ABCB4: variants seen among roughly 807,000 people sequenced by gnomAD.
ABCB4 encodes ATP binding cassette subfamily B member 4.
In ABCB4, 76 loss-of-function variants were observed where a neutral mutation model predicts 145.7. The ratio of observed to expected loss-of-function variants is 0.52; its 90% CI spans 0.43 to 0.63. The LOEUF (loss-of-function observed/expected upper bound fraction) is 0.63, where lower values mean the gene tolerates loss of function less well. Ranked by LOEUF, ABCB4 falls within the 30% of genes least tolerant of loss-of-function variation. The probability of loss-of-function intolerance (pLI) is 0.00; values close to 1 mark genes in which losing one functional copy is unlikely to be tolerated. For synonymous variants in ABCB4, 517 were observed against 566.8 expected, an observed-to-expected ratio of 0.91 and a Z score of 1.25; for missense variants, 1,234 against 1,553.1, an observed-to-expected ratio of 0.79 and a Z score of 3.45.
At chr7:87,449,039 A>G (rs1811530974) in intron 8 of ABCB4, among the ~76,000 whole-genome samples, 1 of 152,236 alleles carries the variant, frequency 6.6e-6, no homozygotes, top group African/African-American at 2.4e-5. Context: ...GTGTATTCTT[A>G]TCCCCAAACT....
At chr7:87,426,944 AGTGTGTGTGTGTGT>A (rs10647775) in intron 15 of ABCB4, 24 bp from the exon 16 acceptor site, 5 of 1,033,082 alleles carry the variant, frequency 4.8e-6, no homozygotes, top group Admixed American at 1.9e-5. Flanking sequence ...AAGACATTAA[AGTGTGTGTGTGTGT>A]GTGTGTGTGT....
At chr7:87,475,687 G>C, upstream of ABCB4, 1 of 586,306 alleles carries the variant, frequency 1.7e-6, no homozygotes, top group South Asian at 1.9e-5. Context: ...CGCTGCAGCA[G>C]AGGGGCCTGG....
At chr7:87,464,138 C>A (rs1327098801) in intron 3 of ABCB4, among the ~76,000 whole-genome samples, 1 of 152,166 alleles carries the variant, frequency 6.6e-6, no homozygotes, top group South Asian at 2.1e-4. Flanking sequence ...CACAGTGGAG[C>A]CTTTGAGGGC....
intron 15 of ABCB4, among the ~76,000 whole-genome samples, chr7:87,429,908 T>C (rs1256648248): frequency 2.0e-5 from 3 of 146,994 alleles, no homozygotes; most frequent in African/African-American, 5.4e-5. Context: ...CAGGTCTTTT[T>C]TTTTTTAAAA....
chr7:87,369,244 T>C, the ABCB4 span: 2 of 536,616 alleles, frequency 3.7e-6, no homozygotes, highest in Non-Finnish European at 6.7e-6. Flanking sequence ...ATTTTTGTTA[T>C]GTGATATATT....
intron 3 of ABCB4, 114 bp downstream of exon 3, chr7:87,472,507 A>T: frequency 1.1e-6 from 1 of 936,584 alleles, no homozygotes; most frequent in Non-Finnish European, 1.7e-6. Context: ...TACAAGTATG[A>T]GTCAGCTCGC....
At chr7:87,413,905 G>T (rs994508759) in intron 21 of ABCB4, among the ~76,000 whole-genome samples, 188 bp from the exon 22 acceptor site, 1 of 152,230 alleles carries the variant, frequency 6.6e-6, no homozygotes, top group Non-Finnish European at 1.5e-5. Context: ...ACTTCTGGCT[G>T]TGCTAAGTAT....
chr7:87,420,074 C>G lies in ABCB4; in HGVS notation c.2318G>C (p.Gly773Ala). ...IISFFTFFLQ[G>A]FTFGKAGEIL... ...CTCGCCAGCTTTCCCAAACGTGAAA[C>G]CCTGGTTGAGAAAAAAGGCTATGGT... The change falls in exon 19 of 28, where the codon GGT becomes GCT. Residue 773 changes from glycine (G) to alanine (A), a missense_variant and splice_region_variant. Physicochemically the swap from Gly to Ala is moderately conservative, Grantham distance 60 (BLOSUM62 0). Transcript: ENST00000649586. The G allele has an allele frequency of 6.2e-7, 1 of 1,613,852 alleles. No individual in the cohort carries two copies. The highest frequency in any genetic ancestry group is 8.5e-7 in the Non-Finnish European group (1 of 1,179,874).
chr7:87,475,616 C>T lies in ABCB4; in HGVS notation c.-7+18G>A. On this transcript the variant is annotated intron_variant, in intron 1 of 27. Coordinates refer to ENST00000649586, the MANE Select transcript of ABCB4 (RefSeq NM_000443.4). ...CCGGGTCTCCCTTCGAGGCCAGACG[C>T]GCCCGGACCTCTCTCACCTCGAACC... The T allele has an allele frequency of 2.6e-6, 2 of 764,816 alleles. No homozygotes were observed. The highest frequency in any genetic ancestry group is 2.2e-6 in the Non-Finnish European group (1 of 449,900). The allele number at this position is 764,816 out of a possible 1,614,324, so 47.4% of individuals were successfully genotyped here. A position where few individuals can be genotyped will look rare whatever the true frequency, so the allele number is the denominator to read the frequency against.
the ABCB4 span, among the ~76,000 whole-genome samples, chr7:87,385,707 A>G: frequency 1.3e-5 from 2 of 152,152 alleles, no homozygotes; most frequent in African/African-American, 4.8e-5. Flanking sequence ...AGGACTTCCA[A>G]TACTATGTTG....
chr7:87,391,478 T>C, the ABCB4 span: 1 of 1,017,498 alleles, frequency 9.8e-7, no homozygotes, highest in East Asian at 2.7e-5. Context: ...AACCTATCTG[T>C]GTTAAAGGGC....
intron 25 of ABCB4, 70 bp from the exon 26 acceptor site, chr7:87,406,564 T>C: frequency 6.5e-7 from 1 of 1,540,280 alleles, no homozygotes; most frequent in Non-Finnish European, 8.8e-7. Flanking sequence ...GTTACTAGAT[T>C]GTCCATTTGG....
rs1366166340 is a variant in ABCB4 at position 87,406,268 on chromosome 7, T to A, written c.3486+20A>T. 1 of 1,610,872 alleles carries A rather than the reference T, an allele frequency of 6.2e-7. No individual in the cohort carries two copies. Among genetic ancestry groups the A allele is most frequent in the South Asian group, 1.1e-5 (1 of 91,008 alleles). ...GGATAAAAAGTAGTCTCTTCTGATTTCAGCTACTCTTTAACTTACGTGGGG... is the reference window on the plus strand; with the variant it reads ...GGATAAAAAGTAGTCTCTTCTGATTACAGCTACTCTTTAACTTACGTGGGG... On this transcript the variant is annotated intron_variant, in intron 26 of 27. Transcript: ENST00000649586.
chr7:87,406,667 A>G (rs150083085), intron 25 of ABCB4, 173 bp from the exon 26 acceptor site: 3 of 736,990 alleles, frequency 4.1e-6, no homozygotes, highest in African/African-American at 1.8e-5. Context: ...GATGATTTTT[A>G]TGGTGATTAA....
chr7:87,392,179 T>C, the ABCB4 span, among the ~76,000 whole-genome samples: 1 of 152,208 alleles, frequency 6.6e-6, no homozygotes, highest in Admixed American at 6.6e-5. Flanking sequence ...TATTTTAGTA[T>C]TATATTTGTT....
intron 21 of ABCB4, 133 bp from the exon 22 acceptor site, chr7:87,413,850 C>T: frequency 1.4e-6 from 1 of 701,974 alleles, no homozygotes; most frequent in Non-Finnish European, 2.6e-6. Flanking sequence ...AAATTAAAAA[C>T]CAAAGGCATA....
At chr7:87,392,504 A>G in the ABCB4 span, 48 of 1,328,074 alleles carry the variant, frequency 3.6e-5, no homozygotes, top group Non-Finnish European at 1.4e-5. Flanking sequence ...TGAGCTTAGG[A>G]TTTTTTTCTA....
In ABCB4 at chr7:87,402,317, G is replaced by C. The variant is rs1807841573; in HGVS notation, c.3634-15C>G. On this transcript the variant is annotated splice_polypyrimidine_tract_variant and intron_variant, in intron 27 of 27. Coordinates refer to ENST00000649586, the MANE Select transcript of ABCB4 (RefSeq NM_000443.4). The stretch of plus-strand genomic sequence containing the variant: ...TCTTGGACAACCTATTGATAAATCA[G>C]ACAGACACCTTATCCCAAAAATTGT... 4 of 1,613,724 alleles carry C rather than the reference G, an allele frequency of 2.5e-6. No homozygotes were observed. Among genetic ancestry groups the C allele is most frequent in the African/African-American group, 1.3e-5 (1 of 74,900 alleles).
chr7:87,368,858 C>T, the ABCB4 span, among the ~76,000 whole-genome samples: 2 of 152,190 alleles, frequency 1.3e-5, no homozygotes, highest in South Asian at 4.1e-4. Context: ...TTGTCAGTGG[C>T]TTACCAGGTG....
Sources: gnomAD v4.1 joint callset for allele counts (sites outside exome capture counted in the v4.1 genomes callset) on GRCh38, gnomAD v4.1.1 for gene constraint, MANE v1.5 for transcripts, NCBI Gene and HGNC (gene_info 2026-07-23, HGNC 2026-07-21) for gene names.